INSYN2B: variants seen among roughly 807,000 people sequenced by gnomAD.
The protein encoded by INSYN2B is protein INSYN2B.
INSYN2B carries 16 observed loss-of-function variants against 41.2 expected under a neutral mutation model. That is an observed-to-expected ratio of 0.39 (90% CI 0.26 to 0.59). INSYN2B has a LOEUF of 0.59. Ranked by LOEUF, INSYN2B falls within the 20% of genes least tolerant of loss-of-function variation. The pLI, the probability that INSYN2B is intolerant of heterozygous loss-of-function variation, is 0.57. For missense variants in INSYN2B, 608 were observed against 646.4 expected (o/e 0.94, Z 0.64); for synonymous variants, 245 against 244.4 (o/e 1.00, Z -0.02).
chr5:169,979,730 C>T (rs1322343515), intron 1 of INSYN2B, among the ~76,000 whole-genome samples: 1 of 152,158 alleles, frequency 6.6e-6, no homozygotes, highest in East Asian at 1.9e-4. Context: ...ACAAATCGTA[C>T]CAAAAGGCAC....
chr5:169,933,460 G>C (rs1283338758), intron 1 of INSYN2B, among the ~76,000 whole-genome samples: 1 of 152,228 alleles, frequency 6.6e-6, no homozygotes. Context: ...TGGTAAATCA[G>C]TCATTATCCT....
At chr5:169,970,316 C>T (rs1306063369) in intron 1 of INSYN2B, among the ~76,000 whole-genome samples, 1 of 152,148 alleles carries the variant, frequency 6.6e-6, no homozygotes, top group Non-Finnish European at 1.5e-5. Context: ...AACCTGGATA[C>T]CTATTTGGTC....
intron 1 of INSYN2B, among the ~76,000 whole-genome samples, chr5:169,974,049 A>C (rs549735215): frequency 6.6e-6 from 1 of 152,316 alleles, no homozygotes; most frequent in South Asian, 2.1e-4. Context: ...CTTTTGAGGT[A>C]TGGCTTAATT....
chr5:169,874,518 G>T (rs1274305302), intron 3 of INSYN2B, among the ~76,000 whole-genome samples: 1 of 151,906 alleles, frequency 6.6e-6, no homozygotes, highest in Non-Finnish European at 1.5e-5. Context: ...CTTCATGCAT[G>T]GTCCTTGGTT....
rs554149968 is a variant in INSYN2B at position 169,974,241 on chromosome 5, A to G, written c.-919+6036T>C. 2.6e-5 allele frequency among the ~76,000 whole-genome samples: 4 copies of G among 152,360 alleles called. No individual in the cohort carries two copies. The East Asian group carries it at 7.7e-4, about 29-fold the overall frequency. On this transcript the variant is annotated intron_variant, in intron 1 of 3. Coordinates refer to ENST00000377365, the MANE Select transcript of INSYN2B (RefSeq NM_001129891.3). ...ACATCTACTGAAAGTTTGGAGGATT[A>G]CATAAGATAAAGCTTACATAGTGAG...
At chr5:169,948,024 G>A (rs938172876) in intron 1 of INSYN2B, among the ~76,000 whole-genome samples, 1 of 151,964 alleles carries the variant, frequency 6.6e-6, no homozygotes, top group Non-Finnish European at 1.5e-5. Flanking sequence ...CTTTCCTCTG[G>A]GGCTGATCCT....
At chr5:169,965,288 G>A (rs192849049) in intron 1 of INSYN2B, among the ~76,000 whole-genome samples, 257 of 152,342 alleles carry the variant, frequency 1.7e-3, no homozygotes, top group African/African-American at 6.0e-3. Context: ...GCGGGCTGGG[G>A]CTTGCAGTTC....
Position 169,881,279 on chromosome 5 carries a change from G to T in INSYN2B, c.1421+89C>A. The T allele has an allele frequency of 4.5e-6, 5 of 1,101,024 alleles. No individual in the cohort carries two copies. The Admixed American group carries it at 6.6e-5, about 15-fold the overall frequency. 68.2% of individuals were successfully genotyped at this position (1,101,024 alleles called of 1,614,324 possible). On this transcript the variant is annotated intron_variant, in intron 3 of 3. Coordinates refer to ENST00000377365, the MANE Select transcript of INSYN2B (RefSeq NM_001129891.3). ...TAAATACCTTGTTTTTGCCTCTCTT[G>T]ACTTTTTGCATTTAAAAGTTTGCTA...
At chr5:169,931,894 C>T (rs923868528) in intron 1 of INSYN2B, among the ~76,000 whole-genome samples, 1 of 152,192 alleles carries the variant, frequency 6.6e-6, no homozygotes, top group African/African-American at 2.4e-5. Context: ...CCTCTTTCTT[C>T]ACTGTGGGTC....
chr5:169,882,742 C>T lies in INSYN2B; in HGVS notation c.1157G>A (p.Ser386Asn). The change falls in exon 2 of 4, where the codon AGT becomes AAT. Residue 386 changes from serine to asparagine, a missense_variant. Coordinates refer to ENST00000377365, the MANE Select transcript of INSYN2B (RefSeq NM_001129891.3). The part of the protein sequence containing the change: ...SNHLPSSLSR[S>N]ETKLQSNREI... ...CCTGTTGCTCTGAAGTTTGGTCTCA[C>T]TCCTTGAAAGAGAGGATGGGAGATG... 1.9e-6 allele frequency: 3 copies of T among 1,551,932 alleles called. No individual in the cohort carries two copies. The highest frequency in any genetic ancestry group is 1.2e-5 in the South Asian group (1 of 84,052).
At chr5:169,964,639 A>C (rs1777228425) in intron 1 of INSYN2B, among the ~76,000 whole-genome samples, 1 of 152,252 alleles carries the variant, frequency 6.6e-6, no homozygotes, top group Non-Finnish European at 1.5e-5. Flanking sequence ...GCCAAAAGTC[A>C]GCCCTTCTGC....
At chr5:169,947,362 A>T (rs1054429284) in intron 1 of INSYN2B, among the ~76,000 whole-genome samples, 24 of 152,228 alleles carry the variant, frequency 1.6e-4, no homozygotes, top group African/African-American at 5.8e-4. Flanking sequence ...GCATTTGTTG[A>T]TGGTGCCTAG....
rs776934351 is a variant in INSYN2B at position 169,928,286 on chromosome 5, CCTGTTCTTGCCCAGT to C, written c.-918-43485_-918-43471del. 7.9e-5 allele frequency among the ~76,000 whole-genome samples: 12 copies of C among 152,274 alleles called. No homozygotes were observed. In the East Asian group the frequency reaches 1.7e-3, roughly 22 times the overall value. ...CACCAGATGGCCCTCGGTGGGCCAG[CCTGTTCTTGCCCAGT>C]CTGTTCTTGCCCTGTTCTGACCAGT... On this transcript the variant is annotated intron_variant, in intron 1 of 3. Coordinates refer to ENST00000377365, the MANE Select transcript of INSYN2B (RefSeq NM_001129891.3).
chr5:169,933,301 A>G (rs1307701451), intron 1 of INSYN2B, among the ~76,000 whole-genome samples: 1 of 152,208 alleles, frequency 6.6e-6, no homozygotes, highest in African/African-American at 2.4e-5. Context: ...CTGGCTGCAC[A>G]TTGCAATCTC....
At chr5:169,929,761 A>AAG (rs1254868385) in intron 1 of INSYN2B, among the ~76,000 whole-genome samples, 3 of 149,516 alleles carry the variant, frequency 2.0e-5, no homozygotes, top group East Asian at 3.9e-4. Context: ...AAAAAAAAAA[A>AAG]AGAGAGAGAG....
rs1342083548 is a variant in INSYN2B at position 169,863,291 on chromosome 5, A to G, written c.*982T>C. On this transcript the variant is annotated 3_prime_UTR_variant, in exon 4 of 4. Transcript: ENST00000377365. ...GAAGGGAGACTGTGTCGATTAATAT[A>G]TGTTTGAACCTATCTACACGGCTGT... Among the ~76,000 whole-genome samples the G allele has an allele frequency of 1.3e-5, 2 of 152,112 alleles. No homozygotes were observed. The highest frequency in any genetic ancestry group is 2.9e-5 in the Non-Finnish European group (2 of 68,014).
chr5:169,964,494 A>G (rs977038794), intron 1 of INSYN2B, among the ~76,000 whole-genome samples: 20 of 152,208 alleles, frequency 1.3e-4, no homozygotes, highest in African/African-American at 4.8e-4. Flanking sequence ...GGCTCATGGG[A>G]GCTGGCGGCC....
intron 1 of INSYN2B, among the ~76,000 whole-genome samples, chr5:169,940,588 G>A (rs866909012): frequency 6.6e-6 from 1 of 152,152 alleles, no homozygotes; most frequent in Non-Finnish European, 1.5e-5. Context: ...CCCCTCTGAG[G>A]GTGATGGGAA....
At chr5:169,905,216 C>T (rs1774210559) in intron 1 of INSYN2B, among the ~76,000 whole-genome samples, 1 of 151,902 alleles carries the variant, frequency 6.6e-6, no homozygotes, top group Non-Finnish European at 1.5e-5. Flanking sequence ...GAGAAATGTG[C>T]CACAAAGGGG....
Sources: gnomAD v4.1 joint callset for allele counts (sites outside exome capture counted in the v4.1 genomes callset) on GRCh38, gnomAD v4.1.1 for gene constraint, MANE v1.5 for transcripts, NCBI Gene and HGNC (gene_info 2026-07-23, HGNC 2026-07-21) for gene names.